NDUFB3: variants seen among roughly 807,000 people sequenced by gnomAD.
The protein encoded by NDUFB3 is NADH dehydrogenase [ubiquinone] 1 beta subcomplex subunit 3.
In NDUFB3, 7 loss-of-function variants were observed where a neutral mutation model predicts 9.0. The ratio of observed to expected loss-of-function variants is 0.78; its 90% CI spans 0.44 to 1.46. NDUFB3 has a LOEUF of 1.46. Among genes scored for constraint, NDUFB3 ranks in the 40% most tolerant of loss-of-function variants. NDUFB3 has a pLI of 0.01. For synonymous variants in NDUFB3, 29 were observed against 38.5 expected (o/e 0.75, Z 0.91); for missense variants, 93 against 115.4 (o/e 0.81, Z 0.89).
chr2:201,075,364 G>C (rs1402052112), intron 1 of NDUFB3, among the ~76,000 whole-genome samples: 1 of 151,902 alleles, frequency 6.6e-6, no homozygotes, highest in Non-Finnish European at 1.5e-5. Flanking sequence ...AGGAGATCGA[G>C]ACCATCCTAG....
At chr2:201,081,382 C>T (rs2047220223) in intron 2 of NDUFB3, among the ~76,000 whole-genome samples, 1 of 151,766 alleles carries the variant, frequency 6.6e-6, no homozygotes, top group African/African-American at 2.4e-5. Context: ...ACTCAGGAGG[C>T]TGAGACAGGA....
At chr2:201,082,375 C>T (rs549070064) in intron 2 of NDUFB3, among the ~76,000 whole-genome samples, 39 of 152,020 alleles carry the variant, frequency 2.6e-4, no homozygotes, top group African/African-American at 7.7e-4. Flanking sequence ...AATCATCCTC[C>T]CACCTCAGCC....
chr2:201,080,075 T>C (rs1322792488), intron 2 of NDUFB3: 1 of 152,160 alleles, frequency 6.6e-6, no homozygotes, highest in Non-Finnish European at 1.5e-5. Flanking sequence ...AAGATTATCT[T>C]CTATGCTTTC....
At chr2:201,083,381 T>C (rs1170521490) in intron 2 of NDUFB3, among the ~76,000 whole-genome samples, 1 of 148,134 alleles carries the variant, frequency 6.8e-6, no homozygotes, top group East Asian at 2.0e-4. Context: ...TGAGACAGAG[T>C]TTTGCTCTTG....
intron 1 of NDUFB3, among the ~76,000 whole-genome samples, chr2:201,077,506 G>A (rs115300559): frequency 0.021 from 3,207 of 152,228 alleles, 47 homozygotes; most frequent in African/African-American, 0.037. Context: ...TTCAGGGATC[G>A]GCAAACTGCA....
chr2:201,079,153 GT>G, intron 2 of NDUFB3, 131 bp downstream of exon 2: 2 of 1,118,740 alleles, frequency 1.8e-6, no homozygotes, highest in Non-Finnish European at 2.4e-6. Context: ...TTTGGTTTTT[GT>G]TTTGTTTTTG....
intron 1 of NDUFB3, among the ~76,000 whole-genome samples, chr2:201,078,032 G>A (rs568578166): frequency 1.3e-5 from 2 of 151,698 alleles, no homozygotes; most frequent in East Asian, 3.9e-4. Flanking sequence ...GCCGGGTGCG[G>A]TGGCTCACAC....
chr2:201,075,694 A>C (rs2047156846), intron 1 of NDUFB3, among the ~76,000 whole-genome samples: 1 of 151,988 alleles, frequency 6.6e-6, no homozygotes, highest in Non-Finnish European at 1.5e-5. Flanking sequence ...AAATGAGGGT[A>C]TGTACGCTTT....
chr2:201,084,147 G>A (rs938160252), intron 2 of NDUFB3, among the ~76,000 whole-genome samples: 1 of 152,162 alleles, frequency 6.6e-6, no homozygotes, highest in East Asian at 1.9e-4. Flanking sequence ...AAAATTAGCT[G>A]GATGTGGTGG....
At chr2:201,074,330 A>G (rs776283724) in intron 1 of NDUFB3, among the ~76,000 whole-genome samples, 2 of 152,128 alleles carry the variant, frequency 1.3e-5, no homozygotes, top group African/African-American at 4.8e-5. Context: ...TTAAATTAAA[A>G]TTCCCAGTTC....
chr2:201,080,585 A>G (rs977508959), intron 2 of NDUFB3, among the ~76,000 whole-genome samples: 5 of 151,890 alleles, frequency 3.3e-5, no homozygotes, highest in Non-Finnish European at 5.9e-5. Flanking sequence ...AAAAAAATCA[A>G]TTGACTGTAT....
At chr2:201,076,231 G>A (rs910926739) in intron 1 of NDUFB3, among the ~76,000 whole-genome samples, 2 of 151,900 alleles carry the variant, frequency 1.3e-5, no homozygotes, top group Non-Finnish European at 2.9e-5. Flanking sequence ...CCTGGGTGTG[G>A]CTGTAATCCC....
At chr2:201,082,038 G>C (rs932602033) in intron 2 of NDUFB3, among the ~76,000 whole-genome samples, 4 of 151,798 alleles carry the variant, frequency 2.6e-5, no homozygotes, top group Non-Finnish European at 2.9e-5. Context: ...GAATGGTCTC[G>C]ATATCCTGAC....
chr2:201,080,950 G>T (rs1365626408), intron 2 of NDUFB3, among the ~76,000 whole-genome samples: 1 of 151,330 alleles, frequency 6.6e-6, no homozygotes, highest in East Asian at 2.0e-4. Flanking sequence ...TGATCCACCC[G>T]CCTCAGCCTC....
intron 2 of NDUFB3, among the ~76,000 whole-genome samples, chr2:201,085,251 C>T (rs1248205349): frequency 1.3e-5 from 2 of 152,182 alleles, no homozygotes; most frequent in Non-Finnish European, 2.9e-5. Flanking sequence ...AATGTGAAAC[C>T]ATCAAGTGTT....
intron 1 of NDUFB3, among the ~76,000 whole-genome samples, chr2:201,075,005 G>A (rs577421512): frequency 1.3e-5 from 2 of 152,000 alleles, no homozygotes; most frequent in South Asian, 4.2e-4. Context: ...TACAGGTCAC[G>A]ATATCATTGT....
Position 201,075,304 on chromosome 2 carries a change from G to A in NDUFB3, c.-3+3245G>A, listed in dbSNP as rs11901759. ...TATTTAGCCGGGCACCGTGGCTCAT[G>A]CCTGTAATCCCAGCACTTTGGGAGA... On this transcript the variant is annotated intron_variant, in intron 1 of 2. Coordinates refer to ENST00000237889, the MANE Select transcript of NDUFB3 (RefSeq NM_002491.3). 2.4e-3 allele frequency among the ~76,000 whole-genome samples: 361 copies of A among 152,156 alleles called. 1 individual carries two copies. Among genetic ancestry groups the A allele is most frequent in the African/African-American group, 8.0e-3 (332 of 41,540 alleles).
At chr2:201,081,868 TGCAGTG>T (rs1424250938) in intron 2 of NDUFB3, among the ~76,000 whole-genome samples, 1 of 149,308 alleles carries the variant, frequency 6.7e-6, no homozygotes, top group African/African-American at 2.5e-5. Context: ...CAGGCTGGAG[TGCAGTG>T]GCACGATCTC....
intron 1 of NDUFB3, among the ~76,000 whole-genome samples, chr2:201,078,152 A>G (rs1403311913): frequency 6.6e-6 from 1 of 152,118 alleles, no homozygotes. Flanking sequence ...ATTACAAAAA[A>G]TTAGCCGGGC....
Sources: gnomAD v4.1 joint callset for allele counts (sites outside exome capture counted in the v4.1 genomes callset) on GRCh38, gnomAD v4.1.1 for gene constraint, MANE v1.5 for transcripts, NCBI Gene and HGNC (gene_info 2026-07-23, HGNC 2026-07-21) for gene names.